The following KCNIP4 variants were observed in gnomAD, a reference collection of about 807,000 sequenced individuals.
KCNIP4 encodes Kv channel-interacting protein 4.
A neutral mutation model predicts 34.0 loss-of-function variants in KCNIP4; 12 were observed. The observed-to-expected ratio is 0.35, with a 90% CI of 0.23 to 0.57. The LOEUF is 0.57. Ranked by LOEUF, KCNIP4 falls within the 20% of genes least tolerant of loss-of-function variation. The pLI is 0.83. For missense variants in KCNIP4, 238 were observed against 311.7 expected (o/e 0.76, Z 1.78); for synonymous variants, 124 against 102.2 (o/e 1.21, Z -1.29).
At chr4:21,840,489 T>A (rs754924795) in intron 1 of KCNIP4, among the ~76,000 whole-genome samples, 4 of 152,198 alleles carry the variant, frequency 2.6e-5, no homozygotes, top group Admixed American at 2.6e-4. Context: ...TGAAAATTCA[T>A]GTTTCAAACC....
intron 1 of KCNIP4, among the ~76,000 whole-genome samples, chr4:21,823,224 G>C (rs1472231958): frequency 6.6e-6 from 1 of 151,830 alleles, no homozygotes; most frequent in Non-Finnish European, 1.5e-5. Flanking sequence ...TCATACAAGA[G>C]CTACTGCTGA....
At chr4:21,873,498 T>A (rs1380366414) in intron 1 of KCNIP4, among the ~76,000 whole-genome samples, 1 of 152,118 alleles carries the variant, frequency 6.6e-6, no homozygotes, top group East Asian at 1.9e-4. Context: ...CCTTTTAGAG[T>A]TAGCTAATAC....
chr4:21,944,424 G>A (rs1022575356), intron 1 of KCNIP4, among the ~76,000 whole-genome samples: 2 of 151,594 alleles, frequency 1.3e-5, no homozygotes, highest in Admixed American at 6.6e-5. Flanking sequence ...GCATGGTGGC[G>A]GGTGCACCCG....
intron 1 of KCNIP4, among the ~76,000 whole-genome samples, chr4:21,213,625 A>G (rs1757378617): frequency 6.6e-6 from 1 of 151,834 alleles, no homozygotes; most frequent in African/African-American, 2.4e-5. Context: ...CTAAACTGTT[A>G]AACTCCTAGA....
At chr4:21,929,038 A>G (rs1445095248) in intron 1 of KCNIP4, among the ~76,000 whole-genome samples, 2 of 152,178 alleles carry the variant, frequency 1.3e-5, no homozygotes, top group Non-Finnish European at 2.9e-5. Context: ...TAGGAGGAGT[A>G]AACTATATCC....
rs141972264 is a variant in KCNIP4, at chr4:21,225,783, T to C, written c.62-343074A>G. On this transcript the variant is annotated intron_variant, in intron 1 of 8. Coordinates refer to ENST00000382152, the MANE Select transcript of KCNIP4 (RefSeq NM_025221.6). ...CCAGACTGGGGAAAACTGAATAATT[T>C]GATTTGGAAGAAGGTATTTAAAAGC... 4.9e-3 allele frequency among the ~76,000 whole-genome samples: 744 copies of C among 152,224 alleles called. 12 individuals carry two copies. The highest frequency in any genetic ancestry group is 0.017 in the African/African-American group (707 of 41,550).
At chr4:21,022,448 T>C (rs1299292801) in intron 1 of KCNIP4, among the ~76,000 whole-genome samples, 1 of 152,230 alleles carries the variant, frequency 6.6e-6, no homozygotes, top group East Asian at 1.9e-4. Context: ...AACCATATTA[T>C]AGCCAGGGGT....
intron 1 of KCNIP4, among the ~76,000 whole-genome samples, chr4:21,350,713 C>G (rs1016371630): frequency 6.6e-6 from 1 of 152,158 alleles, no homozygotes; most frequent in African/African-American, 2.4e-5. Context: ...CAAATTTCTG[C>G]TCAGGCAACA....
chr4:21,000,637 A>G (rs1170322978), intron 1 of KCNIP4, among the ~76,000 whole-genome samples: 3 of 152,088 alleles, frequency 2.0e-5, no homozygotes, highest in South Asian at 2.1e-4. Flanking sequence ...GTGAGCCAAG[A>G]TCGCGCTGTT....
At chr4:20,996,363 A>T (rs779508568) in intron 1 of KCNIP4, among the ~76,000 whole-genome samples, 2 of 152,206 alleles carry the variant, frequency 1.3e-5, no homozygotes, top group Admixed American at 6.5e-5. Flanking sequence ...TATATTCGGG[A>T]TAACATTCAA....
intron 1 of KCNIP4, among the ~76,000 whole-genome samples, chr4:21,882,291 T>A (rs1726502612): frequency 6.6e-6 from 1 of 152,048 alleles, no homozygotes; most frequent in East Asian, 1.9e-4. Context: ...AGTGAAAAAA[T>A]GAGGCTCAGA....
intron 2 of KCNIP4, among the ~76,000 whole-genome samples, chr4:20,857,981 G>T (rs1245322676): frequency 1.3e-5 from 2 of 151,832 alleles, no homozygotes; most frequent in African/African-American, 2.4e-5. Context: ...GGCCGACGTG[G>T]GTGGATCACC....
At chr4:21,673,450 C>A (rs1399307254) in intron 1 of KCNIP4, among the ~76,000 whole-genome samples, 1 of 151,786 alleles carries the variant, frequency 6.6e-6, no homozygotes, top group African/African-American at 2.4e-5. Flanking sequence ...AAATACAGTG[C>A]TTAATTATGA....
At chr4:21,500,546 A>C (rs1159745328) in intron 1 of KCNIP4, among the ~76,000 whole-genome samples, 1 of 152,212 alleles carries the variant, frequency 6.6e-6, no homozygotes, top group African/African-American at 2.4e-5. Flanking sequence ...GTTATGAAAA[A>C]GTACATGTAA....
chr4:21,399,353 T>G (rs1310622086), intron 1 of KCNIP4, among the ~76,000 whole-genome samples: 1 of 152,166 alleles, frequency 6.6e-6, no homozygotes, highest in Admixed American at 6.5e-5. Context: ...CCTCACAGGA[T>G]GTGATGCAGG....
At chr4:21,458,734 T>C (rs1729184258) in intron 1 of KCNIP4, among the ~76,000 whole-genome samples, 1 of 152,092 alleles carries the variant, frequency 6.6e-6, no homozygotes, top group Non-Finnish European at 1.5e-5. Flanking sequence ...GCCAACTGAT[T>C]CTTGTTGTTT....
intron 1 of KCNIP4, among the ~76,000 whole-genome samples, chr4:21,398,473 G>T (rs1057114219): frequency 2.0e-5 from 3 of 152,114 alleles, no homozygotes; most frequent in African/African-American, 2.4e-5. Flanking sequence ...TCCTCTGAGG[G>T]TTCAGTTTCG....
intron 3 of KCNIP4, among the ~76,000 whole-genome samples, chr4:20,763,181 C>A (rs76853172): frequency 0.021 from 3,179 of 152,254 alleles, 34 homozygotes; most frequent in Non-Finnish European, 0.028. Flanking sequence ...ACATACCTAA[C>A]CTGAAAATCT....
intron 3 of KCNIP4, among the ~76,000 whole-genome samples, chr4:20,848,438 G>A (rs938409074): frequency 6.6e-6 from 1 of 150,700 alleles, no homozygotes; most frequent in African/African-American, 2.4e-5. Context: ...AAGAGTTTGG[G>A]AAAATGGGGG....
Sources: allele counts gnomAD v4.1 joint callset (sites outside exome capture counted in the v4.1 genomes callset), GRCh38; gene constraint gnomAD v4.1.1; transcripts MANE v1.5; gene names NCBI Gene and HGNC (gene_info 2026-07-23, HGNC 2026-07-21).